The following DNAH7 variants were observed in gnomAD, a reference collection of about 807,000 sequenced individuals.
The protein encoded by DNAH7 is axonemal beta dynein heavy chain 7.
A neutral mutation model predicts 444.6 loss-of-function variants in DNAH7; 397 were observed. The ratio of observed to expected loss-of-function variants is 0.89; its 90% CI spans 0.82 to 0.97. DNAH7 has a LOEUF of 0.97. DNAH7 is among the 50% of genes least tolerant of loss of function. DNAH7 has a pLI of 0.00. For synonymous variants in DNAH7, 1,636 were observed against 1,624.4 expected (o/e 1.01, Z -0.17); for missense variants, 4,902 against 4,800.8 (o/e 1.02, Z -0.62).
At chr2:195,794,270 C>T (rs1272468525) in intron 57 of DNAH7, 68 bp downstream of exon 57, 126 of 1,484,780 alleles carry the variant, frequency 8.5e-5, no homozygotes, top group Non-Finnish European at 1.1e-4. Flanking sequence ...GTGCACACAT[C>T]CATGATCACC....
At chr2:196,014,527 C>T (rs1206588692) in intron 9 of DNAH7, among the ~76,000 whole-genome samples, 1 of 152,158 alleles carries the variant, frequency 6.6e-6, no homozygotes, top group Non-Finnish European at 1.5e-5. Flanking sequence ...GCCCTCACAA[C>T]TGTCACTTAA....
chr2:195,747,482 A>G (rs900486362), intron 63 of DNAH7, among the ~76,000 whole-genome samples: 1 of 152,226 alleles, frequency 6.6e-6, no homozygotes, highest in Non-Finnish European at 1.5e-5. Context: ...TCCCTAACTC[A>G]TTTTATGAGG....
chr2:195,822,467 A>G (rs1219791342), intron 49 of DNAH7, among the ~76,000 whole-genome samples: 4 of 152,242 alleles, frequency 2.6e-5, no homozygotes, highest in Non-Finnish European at 5.9e-5. Flanking sequence ...TTATACCAGC[A>G]CGACACCATC....
At chr2:196,047,549 C>T (rs901791838) in intron 4 of DNAH7, 50 bp from the exon 5 acceptor site, 1 of 1,413,458 alleles carries the variant, frequency 7.1e-7, no homozygotes, top group African/African-American at 1.5e-5. Context: ...AAAAGGTAAG[C>T]TAAAGCATTT....
At position 195,742,586 on chromosome 2, in the gene DNAH7, T is replaced by C. The variant is rs141235986; in HGVS notation, c.11765-1717A>G. ...ATGGCTAGTAAGGACCATGAGGATA[T>C]AGATACATAGAATATATAGAAAATG... On this transcript the variant is annotated intron_variant, in intron 63 of 64. Transcript: ENST00000312428. 5.3e-5 allele frequency among the ~76,000 whole-genome samples: 8 copies of C among 152,316 alleles called. No individual in the cohort carries two copies. The East Asian group carries it at 7.7e-4, about 15-fold the overall frequency.
intron 24 of DNAH7, 23 bp from the exon 25 acceptor site, chr2:195,910,218 T>G: frequency 1.3e-6 from 2 of 1,544,890 alleles, no homozygotes; most frequent in Non-Finnish European, 8.7e-7. Context: ...AAATAGACAT[T>G]CTTTGTAGAA....
intron 3 of DNAH7, among the ~76,000 whole-genome samples, chr2:196,050,916 T>C (rs1697425718): frequency 6.6e-6 from 1 of 152,208 alleles, no homozygotes; most frequent in African/African-American, 2.4e-5. Flanking sequence ...AAGCCCTTTT[T>C]TATTTACTCC....
At chr2:195,849,962 G>A (rs1208969146) in intron 46 of DNAH7, among the ~76,000 whole-genome samples, 1 of 152,178 alleles carries the variant, frequency 6.6e-6, no homozygotes, top group African/African-American at 2.4e-5. Context: ...AGACATTTTG[G>A]AGAGGTCTGC....
intron 12 of DNAH7, chr2:195,999,155 T>C: frequency 1.4e-6 from 1 of 717,416 alleles, no homozygotes; most frequent in South Asian, 1.5e-5. Flanking sequence ...AAATGAGAGT[T>C]CTGAGGAGAC....
chr2:195,839,504 T>A (rs1698556352), intron 47 of DNAH7, among the ~76,000 whole-genome samples: 1 of 151,344 alleles, frequency 6.6e-6, no homozygotes, highest in Non-Finnish European at 1.5e-5. Context: ...AGCAAAGAAA[T>A]AATAAATATT....
At chr2:195,799,249 T>C (rs376424676) in intron 55 of DNAH7, 47 bp downstream of exon 55, 363 of 1,417,228 alleles carry the variant, frequency 2.6e-4, no homozygotes, top group Non-Finnish European at 3.2e-4. Context: ...TAAGCAAGTA[T>C]TGCTTTTTTA....
intron 10 of DNAH7, among the ~76,000 whole-genome samples, chr2:196,010,418 A>C (rs1694658934): frequency 6.6e-6 from 1 of 152,138 alleles, no homozygotes; most frequent in South Asian, 2.1e-4. Flanking sequence ...AAGTGCTGGG[A>C]GTGATAGGTG....
chr2:195,870,589 C>G (rs577683631), intron 40 of DNAH7, among the ~76,000 whole-genome samples: 16 of 152,252 alleles, frequency 1.1e-4, no homozygotes, highest in African/African-American at 3.9e-4. Flanking sequence ...GAAATCCTCA[C>G]CCCCAAGGTG....
At chr2:196,005,892 A>G (rs890463087) in intron 10 of DNAH7, among the ~76,000 whole-genome samples, 1 of 151,538 alleles carries the variant, frequency 6.6e-6, no homozygotes, top group African/African-American at 2.4e-5. Flanking sequence ...AGGTATTACT[A>G]TAATACCAAC....
intron 9 of DNAH7, among the ~76,000 whole-genome samples, chr2:196,017,689 G>A (rs575455767): frequency 3.5e-5 from 5 of 142,888 alleles, no homozygotes; most frequent in South Asian, 2.1e-4. Context: ...AAAGGTGATC[G>A]CTCCATTAAG....
At chr2:195,860,342 T>C (rs1262539035) in intron 42 of DNAH7, among the ~76,000 whole-genome samples, 1 of 152,064 alleles carries the variant, frequency 6.6e-6, no homozygotes, top group Non-Finnish European at 1.5e-5. Flanking sequence ...TTGATCCTCC[T>C]GGATAAGAAA....
At position 195,922,140 on chromosome 2, in the gene DNAH7, G is replaced by A; in HGVS notation, c.3883C>T (p.Leu1295=). 9.9e-6 allele frequency: 16 copies of A among 1,613,398 alleles called. No homozygotes were observed. Among genetic ancestry groups the A allele is most frequent in the Non-Finnish European group, 1.4e-5 (16 of 1,179,392 alleles). Residue 1295 remains leucine (L), a synonymous_variant, in exon 24 of 65, where the codon CTG becomes TTG. Coordinates refer to ENST00000312428, the MANE Select transcript of DNAH7 (RefSeq NM_018897.3). ...NAGLRYGYEY[L]GNSPRLVITP... ...ATAACCAGCCTAGGGGAATTACCCA[G>A]ATATTCATATCCATATCGCAAACCA...
rs201505425 is a variant in DNAH7 at position 195,925,555 on chromosome 2, T to A, written c.3612+871A>T. Among the ~76,000 whole-genome samples the A allele has an allele frequency of 8.7e-4, 133 of 152,286 alleles. 2 individuals are homozygous for A. The East Asian group carries it at 0.024, about 27-fold the overall frequency. ...TTTCCTGAAAACCCTTGACTTCCTG[T>A]TTTACACCCTATTCCTTCTTGTAGA... On this transcript the variant is annotated intron_variant, in intron 22 of 64. Transcript: ENST00000312428.
intron 10 of DNAH7, among the ~76,000 whole-genome samples, chr2:196,006,296 G>A (rs1250511189): frequency 1.3e-5 from 2 of 151,966 alleles, no homozygotes; most frequent in South Asian, 4.2e-4. Context: ...ACAGAGCAAG[G>A]CCCTGTCTCC....
Sources: gnomAD v4.1 joint callset for allele counts (sites outside exome capture counted in the v4.1 genomes callset) on GRCh38, gnomAD v4.1.1 for gene constraint, MANE v1.5 for transcripts, NCBI Gene and HGNC (gene_info 2026-07-23, HGNC 2026-07-21) for gene names.